Variants in GARNL3 observed in about 807,000 individuals in gnomAD.
GARNL3 encodes GTPase activating Rap/RanGAP domain like 3, also known as GTPase-activating Rap/Ran-GAP domain-like protein 3.
GARNL3 carries 63 observed loss-of-function variants against 125.0 expected under a neutral mutation model. That is an observed-to-expected ratio of 0.50 (90% CI 0.41 to 0.62). The LOEUF (loss-of-function observed/expected upper bound fraction) is 0.62. Among genes scored for constraint, GARNL3 ranks in the 20% least tolerant of loss-of-function variants. The probability of loss-of-function intolerance (pLI) is 0.00; values close to 1 mark genes in which losing one functional copy is unlikely to be tolerated. For synonymous variants in GARNL3, 439 were observed against 457.5 expected (o/e 0.96, Z 0.52); for missense variants, 994 against 1,244.0 (o/e 0.80, Z 3.02).
At chr9:127,285,168 G>A (rs2064211443) in intron 1 of GARNL3, among the ~76,000 whole-genome samples, 1 of 152,084 alleles carries the variant, frequency 6.6e-6, no homozygotes, top group South Asian at 2.1e-4. Context: ...GCCAGACATG[G>A]TGGCTCATGC....
chr9:127,287,454 T>A (rs1336177054), intron 1 of GARNL3, among the ~76,000 whole-genome samples: 4 of 152,234 alleles, frequency 2.6e-5, no homozygotes, highest in Admixed American at 1.3e-4. Flanking sequence ...GCTTCTGTAC[T>A]GCGTTAAAAA....
At chr9:127,342,050 C>T (rs757164772) in intron 13 of GARNL3, among the ~76,000 whole-genome samples, 169 bp from the exon 14 acceptor site, 135 of 151,730 alleles carry the variant, frequency 8.9e-4, no homozygotes, top group Admixed American at 2.8e-3. Flanking sequence ...TCAGCCGAAG[C>T]GAGGCTTTAA....
intron 2 of GARNL3, among the ~76,000 whole-genome samples, chr9:127,301,636 T>C (rs1283253501): frequency 6.6e-6 from 1 of 152,292 alleles, no homozygotes; most frequent in East Asian, 1.9e-4. Flanking sequence ...GAATTTAATC[T>C]CATTAGTGTG....
At chr9:127,319,188 A>T (rs2065324526) in intron 5 of GARNL3, among the ~76,000 whole-genome samples, 1 of 152,154 alleles carries the variant, frequency 6.6e-6, no homozygotes, top group Admixed American at 6.5e-5. Context: ...CATCTGGCTG[A>T]CTGAAAGGCA....
intron 17 of GARNL3, among the ~76,000 whole-genome samples, chr9:127,352,111 C>T (rs777483532): frequency 6.6e-6 from 1 of 152,198 alleles, no homozygotes; most frequent in East Asian, 1.9e-4. Flanking sequence ...GCTGTGGTCG[C>T]ATCTCTATCC....
At position 127,310,630 on chromosome 9, in the gene GARNL3, C is replaced by T. The variant is rs924467224; in HGVS notation, c.220-1006C>T. 4.6e-5 allele frequency among the ~76,000 whole-genome samples: 7 copies of T among 151,984 alleles called. No homozygotes were observed. In the South Asian group the frequency reaches 8.3e-4, roughly 18 times the overall value. ...CTCTACTAAAAATACAAAAATTAGCCGGGCAAGGGGGCATGTGCCTGTGAT... is the reference window on the plus strand; with the variant it reads ...CTCTACTAAAAATACAAAAATTAGCTGGGCAAGGGGGCATGTGCCTGTGAT... On this transcript the variant is annotated intron_variant, in intron 2 of 27. Transcript: ENST00000373387.
At chr9:127,224,922 GGGGCGT>G (rs2131106299) in intron 1 of GARNL3, among the ~76,000 whole-genome samples, 1 of 134,632 alleles carries the variant, frequency 7.4e-6, no homozygotes, top group Non-Finnish European at 1.6e-5. Flanking sequence ...GGGCGTGGGC[GGGGCGT>G]GGGCGGGGCG....
chr9:127,245,337 G>A (rs1267941982), intron 2 of GARNL3: 1 of 152,614 alleles, frequency 6.6e-6, no homozygotes, highest in African/African-American at 2.4e-5. Flanking sequence ...GAGCCGTGGT[G>A]ATTGGCGGCC....
Position 127,393,173 on chromosome 9 carries a change from CAGAG to C in GARNL3, c.2964_2967del (p.Glu989AlafsTer21), listed in dbSNP as rs1383027257. On this transcript the variant is annotated frameshift_variant, in exon 28 of 28. Transcript: ENST00000373387. LOFTEE classifies it high-confidence loss of function. The stretch of plus-strand genomic sequence containing the variant: ...GCTCTGACCAGGACCCTGTGGCAGA[CAGAG>C]AGGGCAGCCCGGTCTCCGGCAGCAG... The C allele has an allele frequency of 6.2e-7, 1 of 1,614,006 alleles. No individual in the cohort carries two copies. The highest frequency in any genetic ancestry group is 1.7e-5 in the Admixed American group (1 of 60,034).
intron 1 of GARNL3, among the ~76,000 whole-genome samples, chr9:127,271,141 CAT>C (rs2063814733): frequency 6.7e-6 from 1 of 150,206 alleles, no homozygotes; most frequent in Non-Finnish European, 1.5e-5. Flanking sequence ...CAAATGTGTC[CAT>C]TAACATTCCT....
chr9:127,357,179 G>C, intron 20 of GARNL3, 40 bp from the exon 21 acceptor site: 5 of 1,609,060 alleles, frequency 3.1e-6, no homozygotes, highest in Non-Finnish European at 4.3e-6. Context: ...TGGCTGCTCT[G>C]TTCTCACCCC....
chr9:127,360,008 G>A (rs1057439991), intron 21 of GARNL3, among the ~76,000 whole-genome samples: 2 of 150,956 alleles, frequency 1.3e-5, no homozygotes, highest in Admixed American at 1.3e-4. Flanking sequence ...TTTCCTAAGA[G>A]AAAAAAAAAT....
Position 127,384,727 on chromosome 9 carries a change from C to A in GARNL3, c.2270-300C>A, listed in dbSNP as rs1832450439. Among the ~76,000 whole-genome samples, 1 of 152,188 alleles carries A rather than the reference C, an allele frequency of 6.6e-6. No individual in the cohort carries two copies. Among genetic ancestry groups the A allele is most frequent in the African/African-American group, 2.4e-5 (1 of 41,440 alleles). ...GAAGGGACTCCCCACAGGACTATGG[C>A]AAGTGAGCTGCCTCGCTGGAAGATC... On this transcript the variant is annotated intron_variant, in intron 23 of 27. Coordinates refer to ENST00000373387, the MANE Select transcript of GARNL3 (RefSeq NM_032293.5). The surrounding 1 kb of genome is among the most constrained non-coding windows in gnomAD (Gnocchi z 4.0).
In GARNL3 at chr9:127,310,601, G is replaced by A. The variant is rs189715915; in HGVS notation, c.220-1035G>A. Among the ~76,000 whole-genome samples the A allele has an allele frequency of 2.2e-3, 328 of 151,650 alleles. 1 individual carries two copies. The highest frequency in any genetic ancestry group is 3.5e-3 in the Non-Finnish European group (236 of 67,830). ...ACCAGCCTGGCCAACATGGTAAACC[G>A]CATCTCTACTAAAAATACAAAAATT... is the stretch of plus-strand genomic sequence containing the variant. On this transcript the variant is annotated intron_variant, in intron 2 of 27. Transcript: ENST00000373387.
chr9:127,332,764 C>T (rs1313412997), intron 8 of GARNL3, among the ~76,000 whole-genome samples: 9 of 152,100 alleles, frequency 5.9e-5, no homozygotes, highest in East Asian at 1.9e-4. Flanking sequence ...TTTTGTTTTG[C>T]GATAGTAAAC....
Position 127,357,253 on chromosome 9 carries a change from C to T in GARNL3, c.1970C>T (p.Thr657Ile). 6.2e-7 allele frequency: 1 copy of T among 1,614,188 alleles called. No homozygotes were observed. The highest frequency in any genetic ancestry group is 1.7e-5 in the Admixed American group (1 of 60,036). The part of the protein sequence containing the change: ...ICLSDSPMVM[T>I]LVDGPAEESD... Reference sequence around the variant, plus strand: ...CTGTCTGACTCTCCCATGGTGATGACCTTAGTGGATGGGCCAGCTGAAGAG... The same window carrying T: ...CTGTCTGACTCTCCCATGGTGATGATCTTAGTGGATGGGCCAGCTGAAGAG... Residue 657 changes from threonine to isoleucine, a missense_variant, in exon 21 of 28, where the codon ACC (threonine) becomes ATC (isoleucine). Transcript: ENST00000373387.
chr9:127,361,428 A>T (rs1055258467), intron 21 of GARNL3, among the ~76,000 whole-genome samples: 6 of 152,114 alleles, frequency 3.9e-5, no homozygotes, highest in Non-Finnish European at 8.8e-5. Flanking sequence ...TTGTTAATCA[A>T]ACTTATGAAA....
chr9:127,384,941 GAAGT>G lies in GARNL3; in HGVS notation c.2270-85_2270-82del. The G allele has an allele frequency of 4.5e-6, 3 of 671,866 alleles. No individual in the cohort carries two copies. The highest frequency in any genetic ancestry group is 7.7e-6 in the Non-Finnish European group (3 of 389,424). The allele number at this position is 671,866 out of a possible 1,614,324, so 41.6% of individuals were successfully genotyped here. ...GGAATGAGAGATGGAAGTTTCTAGA[GAAGT>G]GAGTGTGACTATGACACAGTCACAG... is the stretch of plus-strand genomic sequence containing the variant. On this transcript the variant is annotated intron_variant, in intron 23 of 27. Coordinates refer to ENST00000373387, the MANE Select transcript of GARNL3 (RefSeq NM_032293.5). This position sits in a 1 kb window ranked among gnomAD's most constrained non-coding sequence, Gnocchi z 4.0.
intron 7 of GARNL3, among the ~76,000 whole-genome samples, chr9:127,330,632 A>G (rs573865732): frequency 6.6e-6 from 1 of 152,348 alleles, no homozygotes; most frequent in East Asian, 1.9e-4. Context: ...TACAGAGTGT[A>G]AATAGTGCTT....
Sources: gnomAD v4.1 joint callset for allele counts (sites outside exome capture counted in the v4.1 genomes callset) on GRCh38, gnomAD v4.1.1 for gene constraint, Gnocchi (gnomAD v3.1) non-coding constraint, MANE v1.5 for transcripts, NCBI Gene and HGNC (gene_info 2026-07-23, HGNC 2026-07-21) for gene names.